TRDMT1: variants seen among roughly 807,000 people sequenced by gnomAD.
TRDMT1 encodes tRNA (cytosine(38)-C(5))-methyltransferase.
Under a neutral mutation model 51.2 loss-of-function variants are expected in TRDMT1, and 49 were observed. The ratio of observed to expected loss-of-function variants is 0.96; its 90% CI spans 0.76 to 1.21. TRDMT1 has a LOEUF of 1.21. Ranked by LOEUF, TRDMT1 falls within the 50% of genes most tolerant of loss-of-function variation. TRDMT1 has a pLI of 0.00. For synonymous variants in TRDMT1, 187 were observed against 164.6 expected, an observed-to-expected ratio of 1.14 and a Z score of -1.04; for missense variants, 534 against 462.3, an observed-to-expected ratio of 1.16 and a Z score of -1.42.
intron 8 of TRDMT1, among the ~76,000 whole-genome samples, chr10:17,155,104 CT>C (rs1439155885): frequency 3.3e-5 from 5 of 151,896 alleles, no homozygotes; most frequent in Admixed American, 6.6e-5. Flanking sequence ...GCGTGCCTAC[CT>C]CAGGAGGCTG....
In TRDMT1 at chr10:17,137,843, A is replaced by AG. The variant is rs1281768912; in HGVS notation, c.*11196_*11197insC. Among the ~76,000 whole-genome samples, 1 of 151,988 alleles carries AG rather than the reference A, an allele frequency of 6.6e-6. No individual in the cohort carries two copies. The highest frequency in any genetic ancestry group is 2.4e-5 in the African/African-American group (1 of 41,320). ...AAACTCTGCCAAAAAAAAAAGAAAA[A>AG]AAAAAAAAGGTTGTTCCACTTGTCC... On this transcript the variant is annotated 3_prime_UTR_variant, in exon 11 of 11. Coordinates refer to ENST00000377799, the MANE Select transcript of TRDMT1 (RefSeq NM_004412.7).
At chr10:17,180,431 C>T (rs1843139629) in intron 1 of TRDMT1, among the ~76,000 whole-genome samples, 1 of 151,462 alleles carries the variant, frequency 6.6e-6, no homozygotes, top group African/African-American at 2.4e-5. Flanking sequence ...ATCCCAGCTA[C>T]TCAGGGCCTG....
chr10:17,195,884 G>T (rs1845346080), intron 1 of TRDMT1, among the ~76,000 whole-genome samples: 1 of 151,868 alleles, frequency 6.6e-6, no homozygotes, highest in South Asian at 2.1e-4. Flanking sequence ...TAACTAGAAG[G>T]AAAGAGGCAT....
rs1046019910 is a variant in TRDMT1 at position 17,148,681 on chromosome 10, A to G, written c.*359T>C. The G allele has an allele frequency of 8.2e-6, 8 of 975,370 alleles. No homozygotes were observed. The African/African-American group carries it at 1.4e-4, about 17-fold the overall frequency. 60.4% of individuals were successfully genotyped at this position (975,370 alleles called of 1,614,324 possible). ...ATAAAAAACTTCTTTAATTAACATA[A>G]AAATATGTTATGCCTGTTATGACAC... On this transcript the variant is annotated 3_prime_UTR_variant, in exon 11 of 11. Coordinates refer to ENST00000377799, the MANE Select transcript of TRDMT1 (RefSeq NM_004412.7).
chr10:17,155,186 C>A (rs1470866840), intron 8 of TRDMT1, among the ~76,000 whole-genome samples: 1 of 151,944 alleles, frequency 6.6e-6, no homozygotes, highest in Non-Finnish European at 1.5e-5. Flanking sequence ...TGCACTCCAG[C>A]CTGGGCAACA....
intron 1 of TRDMT1, 182 bp downstream of exon 1, chr10:17,201,389 C>G (rs1846139747): frequency 5.4e-6 from 3 of 555,832 alleles, no homozygotes; most frequent in African/African-American, 2.0e-5. Context: ...AGGGAGTCAG[C>G]GTCTGGAGGG....
rs1837660605 is a variant in TRDMT1 at position 17,141,277 on chromosome 10, T to C, written c.*7763A>G. Among the ~76,000 whole-genome samples the C allele has an allele frequency of 2.0e-5, 3 of 152,202 alleles. No homozygotes were observed. In the South Asian group the frequency reaches 6.2e-4, roughly 32 times the overall value. ...CCTGGGTTCAAGCCATTCCCCTGCC[T>C]CAGCCTCCCGAGTAGCTGGGACTAC... is the stretch of plus-strand genomic sequence containing the variant. On this transcript the variant is annotated 3_prime_UTR_variant, in exon 11 of 11. Coordinates refer to ENST00000377799, the MANE Select transcript of TRDMT1 (RefSeq NM_004412.7).
In TRDMT1 at chr10:17,185,122, C is replaced by A. The variant is rs565801723; in HGVS notation, c.65-10462G>T. Among the ~76,000 whole-genome samples, 49 of 152,288 alleles carry A rather than the reference C, an allele frequency of 3.2e-4. 1 individual carries two copies. The highest frequency in any genetic ancestry group is 5.3e-4 in the Non-Finnish European group (36 of 68,020). On this transcript the variant is annotated intron_variant, in intron 1 of 10. Transcript: ENST00000377799. ...AAATGAGTTAATAACTATAATAGGA[C>A]ATGGACATCTTTGGGGATTACTATT...
At chr10:17,150,771 T>C (rs962314229) in intron 10 of TRDMT1, 2 of 985,014 alleles carry the variant, frequency 2.0e-6, no homozygotes, top group African/African-American at 1.7e-5. Flanking sequence ...CAGCAATTAC[T>C]GTTGCAATTA....
intron 9 of TRDMT1, 30 bp downstream of exon 9, chr10:17,154,647 A>G: frequency 6.5e-7 from 1 of 1,527,046 alleles, no homozygotes; most frequent in South Asian, 1.4e-5. Context: ...AAAGTTTTAA[A>G]GTGTTTTAGC....
intron 10 of TRDMT1, among the ~76,000 whole-genome samples, chr10:17,149,560 T>A (rs185541672): frequency 2.0e-5 from 3 of 152,268 alleles, no homozygotes; most frequent in African/African-American, 7.2e-5. Flanking sequence ...GTATAGTCAC[T>A]GAGTTTTTCA....
chr10:17,140,111 C>T lies in TRDMT1; in HGVS notation c.*8929G>A, dbSNP rs977791069. Among the ~76,000 whole-genome samples, 10 of 128,050 alleles carry T rather than the reference C, an allele frequency of 7.8e-5. No homozygotes were observed. Among genetic ancestry groups the T allele is most frequent in the Admixed American group, 6.3e-4 (7 of 11,114 alleles). 84.0% of individuals were successfully genotyped at this position (128,050 alleles called of 152,430 possible). A position where few individuals can be genotyped will look rare whatever the true frequency, so the allele number is the denominator to read the frequency against. On this transcript the variant is annotated 3_prime_UTR_variant, in exon 11 of 11. Transcript: ENST00000377799. ...CCCAGGCTGGAATGATGCAATGGCA[C>T]GACCTCGGCTCACTGCAACCTCCGC...
Position 17,145,925 on chromosome 10 carries a change from G to A in TRDMT1, c.*3115C>T. 6.1e-6 allele frequency: 6 copies of A among 985,362 alleles called. No individual in the cohort carries two copies. Among genetic ancestry groups the A allele is most frequent in the Non-Finnish European group, 6.0e-6 (5 of 829,932 alleles). The allele number at this position is 985,362 out of a possible 1,614,324, so 61.0% of individuals were successfully genotyped here. On this transcript the variant is annotated 3_prime_UTR_variant, in exon 11 of 11. Transcript: ENST00000377799. ...TCTTTAGTTCATTTCTCTCTCCTCAGAAGTCTCCAGCTTAATCACTCTAGA... is the reference window on the plus strand; with the variant it reads ...TCTTTAGTTCATTTCTCTCTCCTCAAAAGTCTCCAGCTTAATCACTCTAGA...
At chr10:17,170,208 T>C (rs1022647813) in intron 2 of TRDMT1, among the ~76,000 whole-genome samples, 4 of 152,160 alleles carry the variant, frequency 2.6e-5, no homozygotes, top group African/African-American at 7.2e-5. Context: ...AAAATAGTGA[T>C]TTTTTTAATA....
chr10:17,183,432 T>C (rs931316437), intron 1 of TRDMT1, among the ~76,000 whole-genome samples: 1 of 152,192 alleles, frequency 6.6e-6, no homozygotes, highest in Non-Finnish European at 1.5e-5. Flanking sequence ...TTAGTTACTT[T>C]TTTGAGATGG....
chr10:17,195,971 C>T (rs1251726122), intron 1 of TRDMT1, among the ~76,000 whole-genome samples: 1 of 152,162 alleles, frequency 6.6e-6, no homozygotes, highest in African/African-American at 2.4e-5. Flanking sequence ...AGGCCAGCCC[C>T]TAACAACTGA....
chr10:17,163,936 G>T lies in TRDMT1; in HGVS notation c.252-1699C>A, dbSNP rs193167151. Among the ~76,000 whole-genome samples the T allele has an allele frequency of 9.5e-3, 1,449 of 152,152 alleles. 19 individuals carry two copies. Among genetic ancestry groups the T allele is most frequent in the African/African-American group, 0.033 (1,389 of 41,490 alleles). On this transcript the variant is annotated intron_variant, in intron 3 of 10. Transcript: ENST00000377799. Reference sequence around the variant, plus strand: ...AGATTCACAGCCAAATTCTACCAGAGGTACAAAGAGAAGCTGGTACCATTC... The same window carrying T: ...AGATTCACAGCCAAATTCTACCAGATGTACAAAGAGAAGCTGGTACCATTC...
intron 1 of TRDMT1, among the ~76,000 whole-genome samples, chr10:17,190,099 C>T (rs534844925): frequency 2.4e-4 from 37 of 152,122 alleles, no homozygotes; most frequent in East Asian, 5.8e-4. Context: ...TTGGTCCAGG[C>T]GAAGTAACGG....
At chr10:17,185,196 A>C (rs1013025724) in intron 1 of TRDMT1, among the ~76,000 whole-genome samples, 7 of 152,196 alleles carry the variant, frequency 4.6e-5, no homozygotes, top group Non-Finnish European at 1.0e-4. Context: ...TATTATTGAA[A>C]GTGCAAAGAC....
Sources: gnomAD v4.1 joint callset for allele counts (sites outside exome capture counted in the v4.1 genomes callset) on GRCh38, gnomAD v4.1.1 for gene constraint, MANE v1.5 for transcripts, NCBI Gene and HGNC (gene_info 2026-07-23, HGNC 2026-07-21) for gene names.